The following NCKAP5 variants were observed in gnomAD, a reference collection of about 807,000 sequenced individuals.
NCKAP5 encodes nck-associated protein 5.
NCKAP5 carries 92 observed loss-of-function variants against 167.0 expected under a neutral mutation model. That is an observed-to-expected ratio of 0.55 (90% CI 0.47 to 0.66). The LOEUF is 0.66. Ranked by LOEUF, NCKAP5 falls within the 30% of genes least tolerant of loss-of-function variation. The pLI, the probability that NCKAP5 is intolerant of heterozygous loss-of-function variation, is 0.00. For synonymous variants in NCKAP5, 891 were observed against 877.4 expected, an observed-to-expected ratio of 1.02 and a Z score of -0.27; for missense variants, 2,378 against 2,315.0, an observed-to-expected ratio of 1.03 and a Z score of -0.56.
chr2:133,211,906 A>G (rs1181535126), intron 5 of NCKAP5, among the ~76,000 whole-genome samples: 1 of 152,220 alleles, frequency 6.6e-6, no homozygotes, highest in Non-Finnish European at 1.5e-5. Context: ...TCTTTGTAAA[A>G]GACTAGACAG....
intron 6 of NCKAP5, chr2:133,118,504 A>G (rs2082152620): frequency 6.6e-6 from 1 of 152,168 alleles, no homozygotes; most frequent in Non-Finnish European, 1.5e-5. Flanking sequence ...CAGAAATAAT[A>G]CTTTATTCAT....
intron 3 of NCKAP5, among the ~76,000 whole-genome samples, chr2:133,310,652 C>T (rs1445478728): frequency 2.6e-5 from 4 of 152,222 alleles, no homozygotes; most frequent in Non-Finnish European, 5.9e-5. Context: ...CCAAACAGGT[C>T]CCTTTGGATG....
chr2:133,226,229 C>A (rs1382274948), intron 4 of NCKAP5, among the ~76,000 whole-genome samples: 1 of 152,124 alleles, frequency 6.6e-6, no homozygotes, highest in Non-Finnish European at 1.5e-5. Flanking sequence ...GCATAAGCCG[C>A]CACACCGGGC....
intron 16 of NCKAP5, among the ~76,000 whole-genome samples, chr2:132,772,783 C>CG (rs1043572178): frequency 2.0e-5 from 3 of 152,112 alleles, no homozygotes; most frequent in African/African-American, 7.2e-5. Flanking sequence ...CATTAAGCCA[C>CG]GGGGGTAAAA....
At chr2:133,460,104 C>G (rs1314038153) in intron 3 of NCKAP5, among the ~76,000 whole-genome samples, 1 of 152,190 alleles carries the variant, frequency 6.6e-6, no homozygotes, top group African/African-American at 2.4e-5. Context: ...CACTCTGTCT[C>G]CATTGGATGC....
chr2:133,019,697 T>C (rs1414183662), intron 6 of NCKAP5, among the ~76,000 whole-genome samples: 1 of 152,132 alleles, frequency 6.6e-6, no homozygotes, highest in Non-Finnish European at 1.5e-5. Flanking sequence ...CTAATCATAT[T>C]AGAAAAGTGG....
chr2:133,086,363 A>T (rs548761590), intron 6 of NCKAP5, among the ~76,000 whole-genome samples: 1 of 152,194 alleles, frequency 6.6e-6, no homozygotes, highest in East Asian at 1.9e-4. Context: ...AATTTGAGGC[A>T]GAAGTGACTC....
At chr2:132,932,708 C>T (rs577303572) in intron 8 of NCKAP5, among the ~76,000 whole-genome samples, 1 of 151,996 alleles carries the variant, frequency 6.6e-6, no homozygotes, top group Non-Finnish European at 1.5e-5. Context: ...ACTATGATAC[C>T]CCTGAATATA....
intron 3 of NCKAP5, among the ~76,000 whole-genome samples, chr2:133,373,109 G>T (rs1306972752): frequency 6.6e-6 from 1 of 152,166 alleles, no homozygotes; most frequent in Non-Finnish European, 1.5e-5. Context: ...GCCCAGGCTG[G>T]GGTGCAATGG....
chr2:133,412,382 G>A (rs1041664977), intron 3 of NCKAP5, among the ~76,000 whole-genome samples: 4 of 152,210 alleles, frequency 2.6e-5, no homozygotes, highest in African/African-American at 9.7e-5. Flanking sequence ...GCTACCCAGT[G>A]TATGGTACTT....
At chr2:133,359,575 C>T (rs566878515) in intron 3 of NCKAP5, among the ~76,000 whole-genome samples, 1 of 152,226 alleles carries the variant, frequency 6.6e-6, no homozygotes, top group South Asian at 2.1e-4. Context: ...AAAAGTTATT[C>T]TATAAATAAC....
intron 6 of NCKAP5, among the ~76,000 whole-genome samples, chr2:133,050,706 G>T (rs953812195): frequency 6.6e-6 from 1 of 152,100 alleles, no homozygotes; most frequent in Non-Finnish European, 1.5e-5. Context: ...ATCAAAATAT[G>T]CCCCTTAAGA....
rs547361637 is a variant in NCKAP5, at chr2:133,561,074, TTAAGA to T, written c.-129-1962_-129-1958del. Among the ~76,000 whole-genome samples, 425 of 152,352 alleles carry T rather than the reference TTAAGA, an allele frequency of 2.8e-3. 2 individuals are homozygous for T. Among genetic ancestry groups the T allele is most frequent in the African/African-American group, 8.9e-3 (369 of 41,588 alleles). On this transcript the variant is annotated intron_variant, in intron 1 of 19. Transcript: ENST00000409261. ...TTAAGAAAACAATGAAAATGAAAAG[TTAAGA>T]TATCTAATTTTTCCTTATAGAAATA...
chr2:133,573,579 C>T, the NCKAP5 span, among the ~76,000 whole-genome samples: 1 of 152,130 alleles, frequency 6.6e-6, no homozygotes, highest in Non-Finnish European at 1.5e-5. Context: ...CCCAGGGAGG[C>T]ACAGTGAGGG....
At chr2:132,873,167 G>A (rs1352389027) in intron 9 of NCKAP5, among the ~76,000 whole-genome samples, 3 of 152,090 alleles carry the variant, frequency 2.0e-5, no homozygotes, top group African/African-American at 7.2e-5. Context: ...GCAGTAGCAC[G>A]ATCTCGGCTC....
At chr2:133,291,281 T>C (rs1256881881) in intron 4 of NCKAP5, among the ~76,000 whole-genome samples, 1 of 152,178 alleles carries the variant, frequency 6.6e-6, no homozygotes, top group Non-Finnish European at 1.5e-5. Context: ...CATGAGATAA[T>C]TAGACAAACA....
At chr2:133,019,454 C>A (rs532662173) in intron 6 of NCKAP5, among the ~76,000 whole-genome samples, 2 of 152,112 alleles carry the variant, frequency 1.3e-5, no homozygotes, top group Non-Finnish European at 2.9e-5. Flanking sequence ...AATGTCAGGG[C>A]CTGGCCTGCA....
At chr2:132,764,799 T>C (rs1378407903) in intron 16 of NCKAP5, among the ~76,000 whole-genome samples, 2 of 152,270 alleles carry the variant, frequency 1.3e-5, no homozygotes, top group Non-Finnish European at 2.9e-5. Flanking sequence ...AAATGTGACA[T>C]TCGACTTAAG....
At chr2:132,732,408 C>T (rs539234653) in intron 16 of NCKAP5, among the ~76,000 whole-genome samples, 3 of 152,164 alleles carry the variant, frequency 2.0e-5, no homozygotes, top group South Asian at 2.1e-4. Flanking sequence ...ACGTTGTGCA[C>T]ATGTACCCTA....
Sources: gnomAD v4.1 joint callset for allele counts (sites outside exome capture counted in the v4.1 genomes callset) on GRCh38, gnomAD v4.1.1 for gene constraint, MANE v1.5 for transcripts, NCBI Gene and HGNC (gene_info 2026-07-23, HGNC 2026-07-21) for gene names.